RHOBTB1: variants seen among roughly 807,000 people sequenced by gnomAD.
The protein encoded by RHOBTB1 is Rho related BTB domain containing 1.
In RHOBTB1, 40 loss-of-function variants were observed where a neutral mutation model predicts 71.6. That is an observed-to-expected ratio of 0.56 (90% CI 0.43 to 0.73). RHOBTB1 has a LOEUF of 0.73. Ranked by LOEUF, RHOBTB1 falls within the 30% of genes least tolerant of loss-of-function variation. The pLI, the probability that RHOBTB1 is intolerant of heterozygous loss-of-function variation, is 0.00. For synonymous variants in RHOBTB1, 319 were observed against 334.9 expected (o/e 0.95, Z 0.52); for missense variants, 797 against 894.0 (o/e 0.89, Z 1.38).
chr10:60,984,375 TAA>T (rs1402956852), intron 2 of RHOBTB1, among the ~76,000 whole-genome samples: 2 of 152,230 alleles, frequency 1.3e-5, no homozygotes, highest in Non-Finnish European at 2.9e-5. Flanking sequence ...ATTTTATTAA[TAA>T]GTGTTTTATG....
intron 2 of RHOBTB1, among the ~76,000 whole-genome samples, chr10:60,936,696 T>A (rs1473544732): frequency 6.6e-6 from 1 of 152,224 alleles, no homozygotes; most frequent in Non-Finnish European, 1.5e-5. Flanking sequence ...AAATGCATAA[T>A]CTCAGGCCCC....
At chr10:60,979,864 C>T (rs2086435401) in intron 2 of RHOBTB1, among the ~76,000 whole-genome samples, 1 of 152,054 alleles carries the variant, frequency 6.6e-6, no homozygotes, top group Admixed American at 6.6e-5. Flanking sequence ...GAGAGCAGGT[C>T]GTGGATGTGT....
At chr10:60,997,063 G>GTA (rs1365715269) in intron 1 of RHOBTB1, among the ~76,000 whole-genome samples, 1 of 100,800 alleles carries the variant, frequency 9.9e-6, no homozygotes, top group Non-Finnish European at 1.9e-5. Flanking sequence ...GCATGGTTAT[G>GTA]TACACACACA....
At chr10:60,982,766 G>C (rs897391747) in intron 2 of RHOBTB1, among the ~76,000 whole-genome samples, 12 of 152,276 alleles carry the variant, frequency 7.9e-5, no homozygotes, top group African/African-American at 2.4e-4. Flanking sequence ...TATGTAAAAT[G>C]CCTTTCTCAC....
the RHOBTB1 span, among the ~76,000 whole-genome samples, chr10:60,862,527 C>T: frequency 4.5e-4 from 67 of 149,296 alleles, no homozygotes; most frequent in Middle Eastern, 3.6e-3. Flanking sequence ...TCTCTCTCTC[C>T]CTTTCTTTCT....
chr10:60,866,250 G>A (rs559440103), downstream of RHOBTB1, among the ~76,000 whole-genome samples: 1 of 152,204 alleles, frequency 6.6e-6, no homozygotes, highest in Non-Finnish European at 1.5e-5. Flanking sequence ...ACAAGGGATG[G>A]ATGCAGCCTA....
At chr10:60,933,883 T>C (rs2084409411) in intron 2 of RHOBTB1, among the ~76,000 whole-genome samples, 1 of 152,134 alleles carries the variant, frequency 6.6e-6, no homozygotes, top group Non-Finnish European at 1.5e-5. Context: ...TTAAAAGAGA[T>C]TTAAAAATTT....
chr10:60,986,096 T>C (rs1014223568), intron 1 of RHOBTB1, among the ~76,000 whole-genome samples: 1 of 152,092 alleles, frequency 6.6e-6, no homozygotes, highest in African/African-American at 2.4e-5. Flanking sequence ...TCCTAGCTGC[T>C]TACAAAAGTT....
intron 1 of RHOBTB1, among the ~76,000 whole-genome samples, chr10:60,997,506 A>T (rs2087099661): frequency 6.6e-6 from 1 of 152,228 alleles, no homozygotes. Flanking sequence ...ATGTTAGAGA[A>T]GAAAAGTTAA....
chr10:60,952,826 G>C (rs2134412509), intron 2 of RHOBTB1, among the ~76,000 whole-genome samples: 1 of 152,064 alleles, frequency 6.6e-6, no homozygotes, highest in Middle Eastern at 3.4e-3. Flanking sequence ...GAAGAGAACT[G>C]ATCTCTATGA....
chr10:60,894,596 TGAG>T (rs567671236), intron 4 of RHOBTB1, among the ~76,000 whole-genome samples: 140 of 152,354 alleles, frequency 9.2e-4, no homozygotes, highest in African/African-American at 3.2e-3. Flanking sequence ...TTTTATGGGC[TGAG>T]TTTTCTATTA....
At position 60,888,367 on chromosome 10, in the gene RHOBTB1, G is replaced by A; in HGVS notation, c.1301C>T (p.Ala434Val). 6.2e-7 allele frequency: 1 copy of A among 1,614,106 alleles called. No individual in the cohort carries two copies. Among genetic ancestry groups the A allele is most frequent in the Non-Finnish European group, 8.5e-7 (1 of 1,180,014 alleles). Residue 434 changes from alanine to valine, a missense_variant, in exon 6 of 11, where the codon GCT becomes GTT. Transcript: ENST00000337910. ...CATCTCGAGGACCTCTGCGATCTGA[G>A]CCAGGCCCACCAAATCCTTTTCCTT... Reference protein sequence around the residue: ...DEKEKDLVGLAQIAEVLEMFD... With the variant: ...DEKEKDLVGLVQIAEVLEMFD...
intron 2 of RHOBTB1, among the ~76,000 whole-genome samples, chr10:60,966,004 A>T (rs2085944844): frequency 6.6e-6 from 1 of 152,176 alleles, no homozygotes; most frequent in African/African-American, 2.4e-5. Context: ...ATATAATTTT[A>T]AAAACTGTGA....
intron 2 of RHOBTB1, among the ~76,000 whole-genome samples, chr10:60,933,431 A>G (rs569601877): frequency 6.6e-5 from 10 of 152,330 alleles, no homozygotes; most frequent in Non-Finnish European, 1.3e-4. Context: ...CATTTAAAGA[A>G]TGTTCATTGG....
At chr10:60,901,990 G>A (rs1368493928) in intron 4 of RHOBTB1, among the ~76,000 whole-genome samples, 1 of 152,198 alleles carries the variant, frequency 6.6e-6, no homozygotes, top group Non-Finnish European at 1.5e-5. Context: ...GCACATGGGT[G>A]AGCCCCAGGC....
intron 4 of RHOBTB1, among the ~76,000 whole-genome samples, chr10:60,909,977 A>T (rs1009768291): frequency 2.6e-5 from 4 of 152,218 alleles, no homozygotes; most frequent in Non-Finnish European, 5.9e-5. Context: ...GAAATAGAAG[A>T]ATCTTCAGAA....
At chr10:60,864,918 T>A (rs1476018288), downstream of RHOBTB1, among the ~76,000 whole-genome samples, 1 of 152,212 alleles carries the variant, frequency 6.6e-6, no homozygotes, top group Non-Finnish European at 1.5e-5. Flanking sequence ...CTTGACCTCC[T>A]GGCCTCAAGT....
At chr10:60,949,689 TAAAGC>T (rs2085348181) in intron 2 of RHOBTB1, among the ~76,000 whole-genome samples, 1 of 136,068 alleles carries the variant, frequency 7.3e-6, no homozygotes, top group Non-Finnish European at 1.5e-5. Flanking sequence ...TTTTTTTTTT[TAAAGC>T]ATAACTTTGG....
At chr10:60,962,857 A>AT (rs2134547257) in intron 2 of RHOBTB1, among the ~76,000 whole-genome samples, 1 of 152,232 alleles carries the variant, frequency 6.6e-6, no homozygotes, top group African/African-American at 2.4e-5. Flanking sequence ...CAATACTGTG[A>AT]TTTTACTACT....
Sources: allele counts gnomAD v4.1 joint callset (sites outside exome capture counted in the v4.1 genomes callset), GRCh38; gene constraint gnomAD v4.1.1; transcripts MANE v1.5; gene names NCBI Gene and HGNC (gene_info 2026-07-23, HGNC 2026-07-21).